WHRN: variants seen among roughly 807,000 people sequenced by gnomAD.
The protein encoded by WHRN is CASK-interacting protein CIP98.
Under a neutral mutation model 68.3 loss-of-function variants are expected in WHRN, and 41 were observed. The ratio of observed to expected loss-of-function variants is 0.60; its 90% confidence interval spans 0.47 to 0.78. The LOEUF is 0.78. WHRN is among the 30% of genes least tolerant of loss of function. The probability of loss-of-function intolerance (pLI) is 0.00; values close to 1 mark genes in which losing one functional copy is unlikely to be tolerated. For missense variants in WHRN, 1,243 were observed against 1,244.7 expected (o/e 1.00, Z 0.02); for synonymous variants, 560 against 561.3 (o/e 1.00, Z 0.03).
intron 7 of WHRN, among the ~76,000 whole-genome samples, chr9:114,422,229 C>T (rs934000860): frequency 3.3e-5 from 5 of 152,164 alleles, no homozygotes; most frequent in Non-Finnish European, 7.3e-5. Flanking sequence ...TGGGAGCAAC[C>T]GCCTGCTTAA....
In WHRN at chr9:114,427,772, C is replaced by T. The variant is rs183690166; in HGVS notation, c.964-1359G>A. ...CAGACTTTACCTCTCTCCTCTGCAC[C>T]GGCTTTGACACTCAGGGGAGGCTTG... On this transcript the variant is annotated intron_variant, in intron 3 of 11. Transcript: ENST00000362057. 1.6e-3 allele frequency among the ~76,000 whole-genome samples: 227 copies of T among 142,540 alleles called. 1 individual carries two copies. The highest frequency in any genetic ancestry group is 1.1e-3 in the Non-Finnish European group (72 of 64,556). The allele number at this position is 142,540 out of a possible 152,430, so 93.5% of individuals were successfully genotyped here. A position where few individuals can be genotyped will look rare whatever the true frequency, so the allele number is the denominator to read the frequency against.
At chr9:114,494,387 C>T (rs926108552) in intron 1 of WHRN, among the ~76,000 whole-genome samples, 1 of 152,114 alleles carries the variant, frequency 6.6e-6, no homozygotes, top group African/African-American at 2.4e-5. Flanking sequence ...CATCAGTATC[C>T]CCATTTTAGA....
Position 114,423,419 on chromosome 9 carries a change from C to T in WHRN, c.1521G>A (p.Gln507=). ...TGTCCCCAGCCCCGGGGCCTGGGGG[C>T]TGCCGCGCCTTCATGGACTCAATCT... ...RREIESMKAR[Q]PPGPGAGDTY... Residue 507 remains glutamine, a synonymous_variant, in exon 7 of 12, where the codon CAG becomes CAA. Coordinates refer to ENST00000362057, the MANE Select transcript of WHRN (RefSeq NM_015404.4). The T allele has an allele frequency of 6.2e-7, 1 of 1,614,110 alleles. No homozygotes were observed. Among genetic ancestry groups the T allele is most frequent in the East Asian group, 2.2e-5 (1 of 44,870 alleles).
chr9:114,476,460 C>A (rs1374562600), intron 2 of WHRN, among the ~76,000 whole-genome samples: 1 of 152,052 alleles, frequency 6.6e-6, no homozygotes, highest in Non-Finnish European at 1.5e-5. Flanking sequence ...GGTCTCAGCT[C>A]GGAAGCCGTC....
At chr9:114,463,459 GA>G in intron 3 of WHRN, among the ~76,000 whole-genome samples, 1 of 152,142 alleles carries the variant, frequency 6.6e-6, no homozygotes, top group East Asian at 1.9e-4. Context: ...ACTTCATACA[GA>G]CTAAATGCAA....
chr9:114,465,198 C>T (rs1840576959), intron 3 of WHRN, among the ~76,000 whole-genome samples: 1 of 152,200 alleles, frequency 6.6e-6, no homozygotes, highest in South Asian at 2.1e-4. Context: ...CTCTGTACTC[C>T]AGCCTGTCTG....
At chr9:114,424,585 T>A (rs1179053409) in intron 5 of WHRN, 39 bp from the exon 6 acceptor site, 4 of 1,567,822 alleles carry the variant, frequency 2.6e-6, no homozygotes, top group Non-Finnish European at 2.6e-6. Flanking sequence ...AATTCTTAGC[T>A]GCTCTAGAGC....
Position 114,424,368 on chromosome 9 carries a change from A to G in WHRN, c.1382T>C (p.Met461Thr), listed in dbSNP as rs1266752904. 1 of 1,612,372 alleles carries G rather than the reference A, an allele frequency of 6.2e-7. No individual in the cohort carries two copies. The highest frequency in any genetic ancestry group is 8.5e-7 in the Non-Finnish European group (1 of 1,180,006). Residue 461 changes from methionine to threonine, a missense_variant, in exon 6 of 12, where the codon ATG becomes ACG. By Grantham distance (81) the Met-to-Thr change is moderately conservative. Transcript: ENST00000362057. ...GGTGTTGAGCAGCTTGAACAGGGCC[A>G]TGACGAGGGCCTCCACAGAGACGCT... ...GGSVSVEALV[M>T]ALFKLLNTHA...
chr9:114,501,551 TACAC>T (rs59195050), intron 1 of WHRN, among the ~76,000 whole-genome samples: 4,030 of 144,926 alleles, frequency 0.028, 73 homozygotes, highest in Middle Eastern at 0.082. Context: ...TAATTTTTAT[TACAC>T]ACACACACAC....
chr9:114,475,611 G>C (rs911998790), intron 2 of WHRN, among the ~76,000 whole-genome samples: 1 of 152,186 alleles, frequency 6.6e-6, no homozygotes, highest in Non-Finnish European at 1.5e-5. Flanking sequence ...CACTTCCTGA[G>C]AGGTATACTT....
intron 2 of WHRN, 96 bp downstream of exon 2, chr9:114,478,457 G>T: frequency 7.4e-7 from 1 of 1,350,334 alleles, no homozygotes; most frequent in Non-Finnish European, 1.1e-6. Flanking sequence ...GACAGAACCA[G>T]CCTCTTCTTG....
chr9:114,444,039 G>C (rs1838614841), intron 3 of WHRN, among the ~76,000 whole-genome samples: 1 of 152,144 alleles, frequency 6.6e-6, no homozygotes, highest in Admixed American at 6.5e-5. Flanking sequence ...CCACCACCCG[G>C]TTCAATTATC....
intron 4 of WHRN, 35 bp from the exon 5 acceptor site, chr9:114,425,059 T>A (rs757837176): frequency 6.2e-7 from 1 of 1,612,756 alleles, no homozygotes; most frequent in Non-Finnish European, 8.5e-7. Flanking sequence ...AGTTGTGCAT[T>A]TGAGCAGATC....
At position 114,425,638 on chromosome 9, in the gene WHRN, C is replaced by CACAGACAG. The variant is rs924316481; in HGVS notation, c.1166+565_1166+572dup. On this transcript the variant is annotated intron_variant, in intron 4 of 11. Transcript: ENST00000362057. The stretch of plus-strand genomic sequence containing the variant: ...ACACACACACACACACACAGAGAGA[C>CACAGACAG]ACAGACAGACAGACAGACAGACATG... The CACAGACAG allele has an allele frequency of 2.2e-5, 5 of 227,342 alleles. No individual in the cohort carries two copies. The East Asian group carries it at 4.3e-4, about 19-fold the overall frequency. The allele number at this position is 227,342 out of a possible 1,614,324, so 14.1% of individuals were successfully genotyped here. A position where few individuals can be genotyped will look rare whatever the true frequency, so the allele number is the denominator to read the frequency against.
chr9:114,478,458 C>A (rs753262063), intron 2 of WHRN, 95 bp downstream of exon 2: 1 of 1,353,608 alleles, frequency 7.4e-7, no homozygotes, highest in Non-Finnish European at 1.1e-6. Context: ...ACAGAACCAG[C>A]CTCTTCTTGC....
intron 1 of WHRN, among the ~76,000 whole-genome samples, chr9:114,484,563 C>T (rs1398775260): frequency 3.3e-5 from 5 of 152,170 alleles, no homozygotes; most frequent in African/African-American, 7.2e-5. Flanking sequence ...GAGAGCCCAC[C>T]GCATGCAGGG....
intron 3 of WHRN, among the ~76,000 whole-genome samples, chr9:114,430,193 G>C (rs1283395218): frequency 6.6e-6 from 1 of 152,214 alleles, no homozygotes; most frequent in Non-Finnish European, 1.5e-5. Context: ...CAGGCCAGGA[G>C]GGCAGTGAGG....
intron 3 of WHRN, among the ~76,000 whole-genome samples, chr9:114,431,792 C>T (rs889580271): frequency 3.9e-5 from 6 of 152,170 alleles, no homozygotes; most frequent in African/African-American, 7.2e-5. Context: ...CTGTATCCAT[C>T]GGGGCCTTCC....
At chr9:114,472,307 G>A (rs1841294658) in intron 2 of WHRN, among the ~76,000 whole-genome samples, 1 of 152,154 alleles carries the variant, frequency 6.6e-6, no homozygotes, top group South Asian at 2.1e-4. Flanking sequence ...ACTCGGCCTG[G>A]TTGCCCATGC....
Sources: allele counts gnomAD v4.1 joint callset (sites outside exome capture counted in the v4.1 genomes callset), GRCh38; gene constraint gnomAD v4.1.1; transcripts MANE v1.5; gene names NCBI Gene and HGNC (gene_info 2026-07-23, HGNC 2026-07-21).